The following SCYL3 variants were observed in gnomAD, a reference collection of about 807,000 sequenced individuals.
SCYL3 encodes the protein protein-associating with the carboxyl-terminal domain of ezrin.
SCYL3 carries 35 observed loss-of-function variants against 73.8 expected under a neutral mutation model. That is an observed-to-expected ratio of 0.47 (90% CI 0.36 to 0.63). The LOEUF (loss-of-function observed/expected upper bound fraction) is 0.63. Among genes scored for constraint, SCYL3 ranks in the 20% least tolerant of loss-of-function variants. The pLI, the probability that SCYL3 is intolerant of heterozygous loss-of-function variation, is 0.00. For missense variants in SCYL3, 712 were observed against 798.9 expected, an observed-to-expected ratio of 0.89 and a Z score of 1.31; for synonymous variants, 277 against 295.2, an observed-to-expected ratio of 0.94 and a Z score of 0.63.
chr1:169,858,113 A>T (rs1659334397), intron 11 of SCYL3, among the ~76,000 whole-genome samples: 1 of 152,196 alleles, frequency 6.6e-6, no homozygotes, highest in Admixed American at 6.5e-5. Context: ...TTCTTCAATA[A>T]TGTTATTTAC....
intron 1 of SCYL3, among the ~76,000 whole-genome samples, chr1:169,891,214 G>C (rs12121614): frequency 0.067 from 10,204 of 152,240 alleles, 443 homozygotes; most frequent in Non-Finnish European, 0.1. Context: ...AAAGCCACAT[G>C]AAGTCAGAAA....
chr1:169,852,885 A>G lies in SCYL3; in HGVS notation c.*828T>C, dbSNP rs1354932813. ...CAGGGGCTTTGGAAGCAACTGAGTC[A>G]CTACTCCAAAAGGGTCCTGCTCCAG... On this transcript the variant is annotated 3_prime_UTR_variant, in exon 13 of 13. Coordinates refer to ENST00000367771, the MANE Select transcript of SCYL3 (RefSeq NM_020423.7). 2 of 1,614,176 alleles carry G rather than the reference A, an allele frequency of 1.2e-6. No individual in the cohort carries two copies. The highest frequency in any genetic ancestry group is 1.7e-6 in the Non-Finnish European group (2 of 1,180,000).
At chr1:169,894,162 G>C (rs1171540797), upstream of SCYL3, 1 of 152,238 alleles carries the variant, frequency 6.6e-6, no homozygotes, top group Non-Finnish European at 1.5e-5. Context: ...GAATGCTTAA[G>C]TTTGTCTTGA....
upstream of SCYL3, chr1:169,894,014 C>T (rs934242293): frequency 2.0e-5 from 3 of 152,260 alleles, no homozygotes; most frequent in East Asian, 5.8e-4. Context: ...AACCAGGAAC[C>T]GAGGTAGAGA....
Position 169,853,450 on chromosome 1 carries a change from G to A in SCYL3, c.*263C>T, listed in dbSNP as rs41315567. 155 of 447,296 alleles carry A rather than the reference G, an allele frequency of 3.5e-4. No individual in the cohort carries two copies. The highest frequency in any genetic ancestry group is 5.4e-4 in the Non-Finnish European group (137 of 254,278). The allele number at this position is 447,296 out of a possible 1,614,324, so 27.7% of individuals were successfully genotyped here. On this transcript the variant is annotated 3_prime_UTR_variant, in exon 13 of 13. Transcript: ENST00000367771. ...AAATTCGACCTCTCCTCAGCTACTT[G>A]CTCTTCATAGAAACTGGCCTCAGTC...
chr1:169,887,646 A>G (rs1478806760), intron 2 of SCYL3, among the ~76,000 whole-genome samples: 3 of 152,204 alleles, frequency 2.0e-5, no homozygotes, highest in African/African-American at 7.2e-5. Flanking sequence ...ATGTGGTTCT[A>G]CCAAAAAGCA....
rs1179683200 is a variant in SCYL3 at position 169,852,498 on chromosome 1, T to C, written c.*1215A>G. 1 of 388,970 alleles carries C rather than the reference T, an allele frequency of 2.6e-6. No individual in the cohort carries two copies. The highest frequency in any genetic ancestry group is 4.9e-5 in the East Asian group (1 of 20,574). 24.1% of individuals were successfully genotyped at this position (388,970 alleles called of 1,614,324 possible). A position where few individuals can be genotyped will look rare whatever the true frequency, so the allele number is the denominator to read the frequency against. On this transcript the variant is annotated 3_prime_UTR_variant, in exon 13 of 13. Coordinates refer to ENST00000367771, the MANE Select transcript of SCYL3 (RefSeq NM_020423.7). Reference sequence around the variant, plus strand: ...CATTTATGAACTTGTTTATAAGACATGTAAGCTTGGACTATGCAGCACTTC... The same window carrying C: ...CATTTATGAACTTGTTTATAAGACACGTAAGCTTGGACTATGCAGCACTTC...
At chr1:169,893,550 G>A (rs1194534019) in intron 1 of SCYL3, among the ~76,000 whole-genome samples, 3 of 152,112 alleles carry the variant, frequency 2.0e-5, no homozygotes, top group Non-Finnish European at 4.4e-5. Flanking sequence ...TCACCCGTCG[G>A]GGGCCGCCCG....
intron 11 of SCYL3, among the ~76,000 whole-genome samples, chr1:169,857,435 T>C (rs1277865535): frequency 6.6e-6 from 1 of 152,240 alleles, no homozygotes; most frequent in Non-Finnish European, 1.5e-5. Flanking sequence ...CTGAGTATTT[T>C]TGATCCACAG....
intron 4 of SCYL3, 52 bp downstream of exon 4, chr1:169,875,926 C>T (rs1660765976): frequency 3.3e-6 from 4 of 1,206,490 alleles, no homozygotes; most frequent in South Asian, 1.4e-5. Context: ...GAACCACATA[C>T]CAAGACGCTA....
intron 9 of SCYL3, 98 bp from the exon 10 acceptor site, chr1:169,862,895 A>G: frequency 9.1e-7 from 1 of 1,094,086 alleles, no homozygotes; most frequent in East Asian, 2.4e-5. Context: ...AACTACACAT[A>G]TTCTAAGTAC....
chr1:169,885,051 C>G (rs956538950), intron 2 of SCYL3, among the ~76,000 whole-genome samples: 1 of 152,170 alleles, frequency 6.6e-6, no homozygotes, highest in South Asian at 2.1e-4. Flanking sequence ...GGCTCTTGCC[C>G]TAGTAGAGAA....
Position 169,859,183 on chromosome 1 carries a change from A to G in SCYL3, c.1170T>C (p.Asp390=). 6.2e-7 allele frequency: 1 copy of G among 1,613,182 alleles called. No homozygotes were observed. Among genetic ancestry groups the G allele is most frequent in the Non-Finnish European group, 8.5e-7 (1 of 1,179,694 alleles). ...TATGCAGAGTAATTGCCACAATGGA[A>G]TCGCTAGTATCACGCAGGCCCAGCA... ...QVLLGLRDTS[D]SIVAITLHSL... The change falls in exon 11 of 13, where the codon GAT becomes GAC. Residue 390 remains aspartate, a synonymous_variant. Coordinates refer to ENST00000367771, the MANE Select transcript of SCYL3 (RefSeq NM_020423.7).
chr1:169,885,992 A>C (rs1661653770), intron 2 of SCYL3, among the ~76,000 whole-genome samples: 1 of 152,180 alleles, frequency 6.6e-6, no homozygotes, highest in African/African-American at 2.4e-5. Context: ...GATTCTGATT[A>C]TGAAGGGCAA....
chr1:169,868,109 A>G (rs895800805), intron 7 of SCYL3, among the ~76,000 whole-genome samples: 1 of 152,320 alleles, frequency 6.6e-6, no homozygotes. Context: ...AAATATGACA[A>G]TATAAGCCCA....
chr1:169,854,600 C>G lies in SCYL3; in HGVS notation c.1677G>C (p.Met559Ile). 1 of 1,614,030 alleles carries G rather than the reference C, an allele frequency of 6.2e-7. No individual in the cohort carries two copies. The highest frequency in any genetic ancestry group is 8.5e-7 in the Non-Finnish European group (1 of 1,179,974). The change falls in exon 12 of 13, where the codon ATG (methionine) becomes ATC (isoleucine). Residue 559 changes from methionine to isoleucine, a missense_variant. By Grantham distance (10) the Met-to-Ile change is conservative. This residue lies in a region of SCYL3 where 370 missense variants were observed against 350.8 expected (regional missense o/e 1.05). Coordinates refer to ENST00000367771, the MANE Select transcript of SCYL3 (RefSeq NM_020423.7). ...TTTGGGGTAAGCTTGATTTCCAAGG[C>G]ATAGACTCTTCAGTGAGTGAAAGCA... is the stretch of plus-strand genomic sequence containing the variant. ...PALLSLTEES[M>I]PWKSSLPQKI... is the part of the protein sequence containing the mutation.
chr1:169,855,843 CTGT>C (rs1659091013), intron 11 of SCYL3: 1 of 1,613,794 alleles, frequency 6.2e-7, no homozygotes, highest in Non-Finnish European at 8.5e-7. Context: ...GTGCTTCTTG[CTGT>C]TGATGGGCGT....
At chr1:169,891,515 A>C (rs934839126) in intron 1 of SCYL3, among the ~76,000 whole-genome samples, 5 of 152,220 alleles carry the variant, frequency 3.3e-5, no homozygotes, top group Admixed American at 2.6e-4. Flanking sequence ...GTCAGACTGG[A>C]AGAGTGAGTT....
At chr1:169,860,087 G>C (rs1659506142) in intron 10 of SCYL3, 1 of 152,184 alleles carries the variant, frequency 6.6e-6, no homozygotes, top group African/African-American at 2.4e-5. Context: ...AGAAAACTTG[G>C]AAGTTATGGG....
Sources: allele counts gnomAD v4.1 joint callset (sites outside exome capture counted in the v4.1 genomes callset), GRCh38; gene constraint gnomAD v4.1.1; regional missense constraint gnomAD v4.1.1; transcripts MANE v1.5; gene names NCBI Gene and HGNC (gene_info 2026-07-23, HGNC 2026-07-21).